GCN1: variants seen among roughly 807,000 people sequenced by gnomAD.
GCN1 encodes the protein stalled ribosome sensor GCN1.
In GCN1, 90 loss-of-function variants were observed where a neutral mutation model predicts 288.4. The ratio of observed to expected loss-of-function variants is 0.31; its 90% CI spans 0.26 to 0.37. The LOEUF (loss-of-function observed/expected upper bound fraction) is 0.37. Ranked by LOEUF, GCN1 falls within the 10% of genes least tolerant of loss-of-function variation. The probability of loss-of-function intolerance (pLI) is 1.00; values close to 1 mark genes in which losing one functional copy is unlikely to be tolerated. For missense variants in GCN1, 2,586 were observed against 3,419.9 expected (o/e 0.76, Z 6.08); for synonymous variants, 1,386 against 1,420.2 (o/e 0.98, Z 0.54).
rs188100516 is a variant in GCN1 at position 120,129,328 on chromosome 12, T to C, written c.7838A>G (p.Asp2613Gly). 4 of 1,614,178 alleles carry C rather than the reference T, an allele frequency of 2.5e-6. No individual in the cohort carries two copies. The East Asian group carries it at 8.9e-5, about 36-fold the overall frequency. Reference sequence around the variant, plus strand: ...CTTGAGGAGGTTGACAATTGCCTGGTCGCTGTAGGCCCTGACCACGGTGTT... The same window carrying C: ...CTTGAGGAGGTTGACAATTGCCTGGCCGCTGTAGGCCCTGACCACGGTGTT... Reference protein sequence around the residue: ...DKNTVVRAYSDQAIVNLLKMR... With the variant: ...DKNTVVRAYSGQAIVNLLKMR... Residue 2613 changes from aspartate (D) to glycine (G), a missense_variant, in exon 57 of 58, where the codon GAC becomes GGC. Asp to Gly is a moderately conservative substitution (Grantham distance 94). Coordinates refer to ENST00000300648, the MANE Select transcript of GCN1 (RefSeq NM_006836.2).
intron 38 of GCN1, among the ~76,000 whole-genome samples, chr12:120,146,184 T>C (rs1877355005): frequency 6.6e-6 from 1 of 150,934 alleles, no homozygotes; most frequent in Non-Finnish European, 1.5e-5. Flanking sequence ...GGAGAATCGC[T>C]TGAACCCAGG....
rs1877695433 is a variant in GCN1 at position 120,155,043 on chromosome 12, G to A, written c.3631-3C>T. On this transcript the variant is annotated splice_region_variant and splice_polypyrimidine_tract_variant and intron_variant, in intron 30 of 57. Coordinates refer to ENST00000300648, the MANE Select transcript of GCN1 (RefSeq NM_006836.2). This position sits in a 1 kb window ranked among gnomAD's most constrained non-coding sequence, Gnocchi z 4.9. ...GCATCCAGCACTGGGGGCGGCCGCT[G>A]CAACAGACAAGTTGGTAAATGCTTT... 1.2e-6 allele frequency: 2 copies of A among 1,612,810 alleles called. No individual in the cohort carries two copies. Among genetic ancestry groups the A allele is most frequent in the East Asian group, 2.2e-5 (1 of 44,900 alleles).
chr12:120,175,983 T>A lies in GCN1; in HGVS notation c.914-109A>T, dbSNP rs1021764181. On this transcript the variant is annotated intron_variant, in intron 10 of 57. Coordinates refer to ENST00000300648, the MANE Select transcript of GCN1 (RefSeq NM_006836.2). The stretch of plus-strand genomic sequence containing the variant: ...CTTCAGTATTAGCTGTTTGCTCTCA[T>A]TCAAATAATCTCAAGAAAGAAACTG... 2.1e-6 allele frequency: 3 copies of A among 1,438,732 alleles called. No homozygotes were observed. In the African/African-American group the frequency reaches 4.3e-5, roughly 21 times the overall value. The allele number at this position is 1,438,732 out of a possible 1,614,324, so 89.1% of individuals were successfully genotyped here.
chr12:120,184,090 G>T, intron 4 of GCN1, 22 bp downstream of exon 4: 3 of 1,603,676 alleles, frequency 1.9e-6, no homozygotes, highest in Non-Finnish European at 2.6e-6. Context: ...ATTCTCAGGG[G>T]GCCACAACTT....
chr12:120,144,959 C>T lies in GCN1; in HGVS notation c.5119G>A (p.Glu1707Lys). The change falls in exon 40 of 58, where the codon GAG becomes AAG. Residue 1707 changes from glutamate to lysine, a missense_variant. Physicochemically the swap from Glu to Lys is moderately conservative, Grantham distance 56 (BLOSUM62 1). Coordinates refer to ENST00000300648, the MANE Select transcript of GCN1 (RefSeq NM_006836.2). The surrounding 1 kb of genome is among the most constrained non-coding windows in gnomAD (Gnocchi z 4.7). ...LPWLMETLTYEQSSVDRSGAA... is the reference protein window; with the variant it reads ...LPWLMETLTYKQSSVDRSGAA... ...CCTGAGCGATCCACAGAGCTCTGCTCATAGGTCAGTGTCTCCATCAGCCAC... is the reference window on the plus strand; with the variant it reads ...CCTGAGCGATCCACAGAGCTCTGCTTATAGGTCAGTGTCTCCATCAGCCAC... 1 of 1,614,186 alleles carries T rather than the reference C, an allele frequency of 6.2e-7. No individual in the cohort carries two copies. Among genetic ancestry groups the T allele is most frequent in the Non-Finnish European group, 8.5e-7 (1 of 1,180,036 alleles).
rs368315746 is a variant in GCN1, at chr12:120,178,868, G to T, written c.509C>A (p.Thr170Lys). Residue 170 changes from threonine (T) to lysine (K), a missense_variant, in exon 6 of 58, where the codon ACG (threonine) becomes AAG (lysine). This residue lies in a region of GCN1 where 913 missense variants were observed against 1,107.0 expected (regional missense o/e 0.82). Coordinates refer to ENST00000300648, the MANE Select transcript of GCN1 (RefSeq NM_006836.2). Reference sequence around the variant, plus strand: ...TCCTGTCACCTCTTTCCACAGCTTCGTGAGTTTCTTCACAGCACCATCCAC... The same window carrying T: ...TCCTGTCACCTCTTTCCACAGCTTCTTGAGTTTCTTCACAGCACCATCCAC... ...HAVDGAVKKL[T>K]KLWKENPGLV... 6.2e-6 allele frequency: 10 copies of T among 1,614,092 alleles called. No homozygotes were observed. Among genetic ancestry groups the T allele is most frequent in the Non-Finnish European group, 8.5e-6 (10 of 1,179,984 alleles).
chr12:120,157,770 C>A, intron 26 of GCN1, 79 bp downstream of exon 26: 1 of 1,132,698 alleles, frequency 8.8e-7, no homozygotes, highest in South Asian at 1.4e-5. Flanking sequence ...AGGAACTGTT[C>A]ATGAGACAAA....
chr12:120,162,744 T>A, intron 20 of GCN1, 103 bp downstream of exon 20: 1 of 1,290,918 alleles, frequency 7.7e-7, no homozygotes, highest in Non-Finnish European at 1.1e-6. Context: ...AAGCCTACAT[T>A]TCATCCATCT....
rs1305050980 is a variant in GCN1, at chr12:120,162,033, A to G, written c.2189T>C (p.Leu730Pro). 2 of 1,613,206 alleles carry G rather than the reference A, an allele frequency of 1.2e-6. No individual in the cohort carries two copies. The highest frequency in any genetic ancestry group is 1.7e-6 in the Non-Finnish European group (2 of 1,180,022). ...NQSSMNAMGSLSVLSPDRVLP... is the reference protein window; with the variant it reads ...NQSSMNAMGSPSVLSPDRVLP... ...GACCCGGTCCGGCGACAGGACGGAAAGGGAGCCCATGGCATTCATGGAGGA... is the reference window on the plus strand; with the variant it reads ...GACCCGGTCCGGCGACAGGACGGAAGGGGAGCCCATGGCATTCATGGAGGA... The change falls in exon 21 of 58, where the codon CTT becomes CCT. Residue 730 changes from leucine to proline, a missense_variant. Physicochemically the swap from Leu to Pro is moderately conservative, Grantham distance 98 (BLOSUM62 -3). Coordinates refer to ENST00000300648, the MANE Select transcript of GCN1 (RefSeq NM_006836.2).
rs752930729 is a variant in GCN1 at position 120,163,194 on chromosome 12, C to T, written c.1914G>A (p.Val638=). The T allele has an allele frequency of 3.7e-6, 6 of 1,613,998 alleles. No homozygotes were observed. In the African/African-American group the frequency reaches 4.0e-5, roughly 11 times the overall value. ...GEVTEAGKAY[V]PPRVLQEALC... The stretch of plus-strand genomic sequence containing the variant: ...GAGCCTCCTGCAGGACCCGTGGAGG[C>T]ACGTAGGCCTTGCCTGCCTCAGTCA... The change falls in exon 19 of 58, where the codon GTG becomes GTA. Residue 638 remains valine (V), a synonymous_variant. Coordinates refer to ENST00000300648, the MANE Select transcript of GCN1 (RefSeq NM_006836.2).
In GCN1 at chr12:120,156,621, T is replaced by A. The variant is rs750641756; in HGVS notation, c.3169-17A>T. The A allele has an allele frequency of 3.1e-6, 5 of 1,613,026 alleles. No individual in the cohort carries two copies. Among genetic ancestry groups the A allele is most frequent in the Non-Finnish European group, 4.2e-6 (5 of 1,179,372 alleles). ...AGCCAGAACCTAAGGAGAACATCAA[T>A]CCACTGGTTCAGTCAGCAACTCATT... On this transcript the variant is annotated splice_polypyrimidine_tract_variant and intron_variant, in intron 27 of 57. Coordinates refer to ENST00000300648, the MANE Select transcript of GCN1 (RefSeq NM_006836.2). This position sits in a 1 kb window ranked among gnomAD's most constrained non-coding sequence, Gnocchi z 5.8.
chr12:120,168,162 A>G, intron 16 of GCN1, 46 bp downstream of exon 16: 1 of 1,132,730 alleles, frequency 8.8e-7, no homozygotes. Flanking sequence ...TTTTCCAAAG[A>G]GACTTTGCCT....
At position 120,155,631 on chromosome 12, in the gene GCN1, T is replaced by C. The variant is rs372283992; in HGVS notation, c.3401A>G (p.Lys1134Arg). 14 of 1,614,020 alleles carry C rather than the reference T, an allele frequency of 8.7e-6. No individual in the cohort carries two copies. Among genetic ancestry groups the C allele is most frequent in the African/African-American group, 1.3e-5 (1 of 74,930 alleles). The change falls in exon 29 of 58, where the codon AAG becomes AGG. Residue 1134 changes from lysine (K) to arginine (R), a missense_variant. Transcript: ENST00000300648. The surrounding 1 kb of genome is among the most constrained non-coding windows in gnomAD (Gnocchi z 4.9). Reference sequence around the variant, plus strand: ...CCGGATCTCCTCCTCCTTGTCAAACTTGACCACCCAGAGTCTCCGCAGAAG... The same window carrying C: ...CCGGATCTCCTCCTCCTTGTCAAACCTGACCACCCAGAGTCTCCGCAGAAG... ...LNLLRRLWVV[K>R]FDKEEEIRKL...
chr12:120,130,713 A>T lies in GCN1; in HGVS notation c.7604T>A (p.Leu2535His). Reference sequence around the variant, plus strand: ...GCCTGTCTCGATGTGGTGTCTCATGAGAAAGCCCATGCCCCGGACCCCGCT... The same window carrying T: ...GCCTGTCTCGATGTGGTGTCTCATGTGAAAGCCCATGCCCCGGACCCCGCT... ...AVSGVRGMGF[L>H]MRHHIETGGG... The change falls in exon 56 of 58, where the codon CTC (leucine) becomes CAC (histidine). Residue 2535 changes from leucine to histidine, a missense_variant. By Grantham distance (99) the Leu-to-His change is moderately conservative. Around this residue, in one of 8 missense-constraint regions of GCN1, gnomAD observed 355 missense variants for 431.1 expected, o/e 0.82. Coordinates refer to ENST00000300648, the MANE Select transcript of GCN1 (RefSeq NM_006836.2). 1 of 1,614,036 alleles carries T rather than the reference A, an allele frequency of 6.2e-7. No individual in the cohort carries two copies. Among genetic ancestry groups the T allele is most frequent in the Non-Finnish European group, 8.5e-7 (1 of 1,179,980 alleles).
Position 120,164,400 on chromosome 12 carries a change from A to T in GCN1, c.1784T>A (p.Leu595His). The change falls in exon 18 of 58, where the codon CTT becomes CAT. Residue 595 changes from leucine (L) to histidine (H), a missense_variant. Leu to His is a moderately conservative substitution (Grantham distance 99, BLOSUM62 -3). Transcript: ENST00000300648. Reference sequence around the variant, plus strand: ...TCCGTGCGCCAGCTTAAAGCCCCCAAGAGAGGACAGCAGCTTCCGAACTGT... The same window carrying T: ...TCCGTGCGCCAGCTTAAAGCCCCCATGAGAGGACAGCAGCTTCCGAACTGT... ...QQTVRKLLSS[L>H]GGFKLAHGLL... 6.2e-7 allele frequency: 1 copy of T among 1,614,156 alleles called. No individual in the cohort carries two copies. Among genetic ancestry groups the T allele is most frequent in the Non-Finnish European group, 8.5e-7 (1 of 1,180,024 alleles).
chr12:120,132,518 G>A (rs906043937), intron 53 of GCN1, among the ~76,000 whole-genome samples: 1 of 152,074 alleles, frequency 6.6e-6, no homozygotes, highest in African/African-American at 2.4e-5. Flanking sequence ...AATGACTCCT[G>A]CTATCTCCCT....
chr12:120,148,284 G>A lies in GCN1; in HGVS notation c.4609C>T (p.Pro1537Ser). 1 of 1,614,096 alleles carries A rather than the reference G, an allele frequency of 6.2e-7. No individual in the cohort carries two copies. The highest frequency in any genetic ancestry group is 8.5e-7 in the Non-Finnish European group (1 of 1,179,964). ...CAPKQLSSCL[P>S]NIVPKLTEVL... is the part of the protein sequence containing the mutation. ...TCCGTAAGCTTGGGCACAATGTTGG[G>A]TAGACAGGATGACAGCTGCTTAGGA... The change falls in exon 37 of 58, where the codon CCC (proline) becomes TCC (serine). Residue 1537 changes from proline to serine, a missense_variant. Coordinates refer to ENST00000300648, the MANE Select transcript of GCN1 (RefSeq NM_006836.2).
intron 2 of GCN1, among the ~76,000 whole-genome samples, chr12:120,186,419 T>C (rs1299492059): frequency 6.6e-6 from 1 of 150,564 alleles, no homozygotes; most frequent in African/African-American, 2.4e-5. Flanking sequence ...AGCCAACCTG[T>C]GACAAGTGCT....
At chr12:120,172,635 G>A (rs972591160) in intron 14 of GCN1, among the ~76,000 whole-genome samples, 4 of 151,906 alleles carry the variant, frequency 2.6e-5, no homozygotes, top group Non-Finnish European at 4.4e-5. Flanking sequence ...TCAGCCTCCC[G>A]AGTAGCTGGG....
Sources: gnomAD v4.1 joint callset for allele counts (sites outside exome capture counted in the v4.1 genomes callset) on GRCh38, gnomAD v4.1.1 for gene constraint, gnomAD v4.1.1 regional missense constraint, Gnocchi (gnomAD v3.1) non-coding constraint, MANE v1.5 for transcripts, NCBI Gene and HGNC (gene_info 2026-07-23, HGNC 2026-07-21) for gene names.